SS18L1: variants seen among roughly 807,000 people sequenced by gnomAD.
SS18L1 encodes SS18L1 subunit of BAF chromatin remodeling complex.
SS18L1 carries 32 observed loss-of-function variants against 70.3 expected under a neutral mutation model. The observed-to-expected ratio is 0.46, with a 90% CI of 0.34 to 0.61. The LOEUF (loss-of-function observed/expected upper bound fraction) is 0.61. Ranked by LOEUF, SS18L1 falls within the 20% of genes least tolerant of loss-of-function variation. The pLI is 0.01. For missense variants in SS18L1, 430 were observed against 542.1 expected, an observed-to-expected ratio of 0.79 and a Z score of 2.05; for synonymous variants, 237 against 229.7, an observed-to-expected ratio of 1.03 and a Z score of -0.29.
chr20:62,165,390 C>A (rs1199528209), intron 7 of SS18L1, 32 bp from the exon 8 acceptor site: 6 of 1,594,780 alleles, frequency 3.8e-6, no homozygotes, highest in Non-Finnish European at 5.1e-6. Context: ...TGCACAGCCT[C>A]CGCTGACTGT....
chr20:62,155,542 A>G (rs1430365348), intron 1 of SS18L1, among the ~76,000 whole-genome samples: 5 of 152,030 alleles, frequency 3.3e-5, no homozygotes, highest in Non-Finnish European at 7.4e-5. Flanking sequence ...GCTTCTGCGG[A>G]TTGGAGGCCG....
Position 62,179,806 on chromosome 20 carries a change from G to A in SS18L1, c.*598G>A. On this transcript the variant is annotated 3_prime_UTR_variant, in exon 11 of 11. Coordinates refer to ENST00000331758, the MANE Select transcript of SS18L1 (RefSeq NM_198935.3). ...ATCTCCCACGGGAGAGGCCACAGAT[G>A]GCCACTTCCAGAGCTTGCCCATTGC... 1 of 229,860 alleles carries A rather than the reference G, an allele frequency of 4.4e-6. No homozygotes were observed. The allele number at this position is 229,860 out of a possible 1,614,324, so 14.2% of individuals were successfully genotyped here.
intron 1 of SS18L1, among the ~76,000 whole-genome samples, chr20:62,146,874 C>G (rs185074296): frequency 3.9e-5 from 6 of 152,236 alleles, no homozygotes; most frequent in East Asian, 1.9e-4. Context: ...CCCCTCCCCC[C>G]CTTAGCCTCC....
intron 8 of SS18L1, among the ~76,000 whole-genome samples, chr20:62,171,104 A>C (rs957986451): frequency 6.6e-6 from 1 of 152,050 alleles, no homozygotes; most frequent in South Asian, 2.1e-4. Context: ...GGGTTTCACC[A>C]TGTTAGCCAG....
chr20:62,163,421 T>C, intron 5 of SS18L1, 37 bp from the exon 6 acceptor site: 1 of 1,609,962 alleles, frequency 6.2e-7, no homozygotes, highest in Non-Finnish European at 8.5e-7. Flanking sequence ...GCGGGAGGCT[T>C]CCCGGGGTGA....
chr20:62,171,026 C>T (rs1351209557), intron 8 of SS18L1, among the ~76,000 whole-genome samples: 1 of 152,070 alleles, frequency 6.6e-6, no homozygotes, highest in African/African-American at 2.4e-5. Flanking sequence ...CTCAGCCTCC[C>T]GAGTAGCTGG....
In SS18L1 at chr20:62,165,639, G is replaced by A. The variant is rs1211043342; in HGVS notation, c.916+125G>A. 4.5e-5 allele frequency: 40 copies of A among 884,654 alleles called. No homozygotes were observed. In the Admixed American group the frequency reaches 5.3e-4, roughly 12 times the overall value. The allele number at this position is 884,654 out of a possible 1,614,324, so 54.8% of individuals were successfully genotyped here. A position where few individuals can be genotyped will look rare whatever the true frequency, so the allele number is the denominator to read the frequency against. On this transcript the variant is annotated intron_variant, in intron 8 of 10. Coordinates refer to ENST00000331758, the MANE Select transcript of SS18L1 (RefSeq NM_198935.3). ...AGTCCCTTAAATCACAGCACAGCGC[G>A]TGGGAGGAGAGACAGTGTGTTCTGG... is the stretch of plus-strand genomic sequence containing the variant.
Position 62,161,471 on chromosome 20 carries a change from C to A in SS18L1, c.267C>A (p.Ala89=). 6.2e-7 allele frequency: 1 copy of A among 1,612,918 alleles called. No homozygotes were observed. The change falls in exon 4 of 11, where the codon GCC becomes GCA. Residue 89 remains alanine, a synonymous_variant. Coordinates refer to ENST00000331758, the MANE Select transcript of SS18L1 (RefSeq NM_198935.3). The surrounding 1 kb of genome is among the most constrained non-coding windows in gnomAD (Gnocchi z 4.4). ...PTQNMNLGPG[A]LTQSGSSQGL... ...AGAACATGAACCTGGGCCCTGGAGCCCTGACTCAGAGCGGCTCCAGCCAGG... is the reference window on the plus strand; with the variant it reads ...AGAACATGAACCTGGGCCCTGGAGCACTGACTCAGAGCGGCTCCAGCCAGG...
chr20:62,162,755 C>T lies in SS18L1; in HGVS notation c.380C>T (p.Pro127Leu), dbSNP rs751601438. ...SLLQGQIGNG[P>L]SHVSMQQTAP... Reference sequence around the variant, plus strand: ...CACTCCCTGCTCCCCATGCCAGGGCCGAGCCACGTGTCCATGCAGCAGACG... The same window carrying T: ...CACTCCCTGCTCCCCATGCCAGGGCTGAGCCACGTGTCCATGCAGCAGACG... The change falls in exon 5 of 11, where the codon CCG (proline) becomes CTG (leucine). Residue 127 changes from proline (P) to leucine (L), a missense_variant. Transcript: ENST00000331758. 2.6e-5 allele frequency: 42 copies of T among 1,606,788 alleles called. No homozygotes were observed. In the East Asian group the frequency reaches 4.3e-4, roughly 16 times the overall value.
chr20:62,148,051 C>T (rs1020742080), intron 1 of SS18L1, among the ~76,000 whole-genome samples: 1 of 152,182 alleles, frequency 6.6e-6, no homozygotes, highest in Non-Finnish European at 1.5e-5. Context: ...TGCCGAGCCT[C>T]CCTTGCATGT....
chr20:62,170,828 C>T (rs1466999065), intron 8 of SS18L1, among the ~76,000 whole-genome samples: 3 of 152,130 alleles, frequency 2.0e-5, no homozygotes, highest in East Asian at 3.8e-4. Flanking sequence ...GGCACTCTCA[C>T]AGTTGTTGCA....
At chr20:62,150,633 A>AATTTTTTTTTTTTTTTTTTTTT (rs1199902967) in intron 1 of SS18L1, among the ~76,000 whole-genome samples, 1 of 58,030 alleles carries the variant, frequency 1.7e-5, no homozygotes, top group Non-Finnish European at 3.5e-5. Flanking sequence ...ATTGAGGTGG[A>AATTTTTTTTTTTTTTTTTTTTT]TTTTTTTTTT....
chr20:62,159,079 C>T lies in SS18L1; in HGVS notation c.146+331C>T, dbSNP rs1245206850. On this transcript the variant is annotated intron_variant, in intron 2 of 10. Transcript: ENST00000331758. The surrounding 1 kb of genome is among the most constrained non-coding windows in gnomAD (Gnocchi z 4.4). ...GTCCCGAGAGTCCCTGGCACAGCTG[C>T]GAAGCATTGCTGCCAGAACTGGGGT... 4.9e-6 allele frequency: 7 copies of T among 1,443,134 alleles called. No homozygotes were observed. The highest frequency in any genetic ancestry group is 3.4e-5 in the South Asian group (3 of 87,840). 89.4% of individuals were successfully genotyped at this position (1,443,134 alleles called of 1,614,324 possible).
intron 7 of SS18L1, 130 bp from the exon 8 acceptor site, chr20:62,165,292 C>CA: frequency 1.2e-6 from 1 of 839,392 alleles, no homozygotes; most frequent in Non-Finnish European, 1.9e-6. Flanking sequence ...TTTTGGGGAA[C>CA]ACGGGTCCTG....
At position 62,182,201 on chromosome 20, in the gene SS18L1, G is replaced by A. The variant is rs557338754; in HGVS notation, c.*2993G>A. 1.8e-5 allele frequency: 4 copies of A among 220,844 alleles called. No individual in the cohort carries two copies. Among genetic ancestry groups the A allele is most frequent in the Non-Finnish European group, 3.6e-5 (4 of 110,494 alleles). The allele number at this position is 220,844 out of a possible 1,614,324, so 13.7% of individuals were successfully genotyped here. A position where few individuals can be genotyped will look rare whatever the true frequency, so the allele number is the denominator to read the frequency against. ...CTTAATACGCTCATATGGTTGGAGT[G>A]TTAAGTGAACCTCTGATTTTGTCAG... On this transcript the variant is annotated 3_prime_UTR_variant, in exon 11 of 11. Transcript: ENST00000331758.
chr20:62,172,120 C>T (rs1443518563), intron 8 of SS18L1, among the ~76,000 whole-genome samples: 1 of 150,254 alleles, frequency 6.7e-6, no homozygotes, highest in Non-Finnish European at 1.5e-5. Context: ...GCTGAGATCT[C>T]GCCACTGCAC....
rs2057276761 is a variant in SS18L1 at position 62,159,006 on chromosome 20, C to A, written c.146+258C>A. On this transcript the variant is annotated intron_variant, in intron 2 of 10. Transcript: ENST00000331758. This position sits in a 1 kb window ranked among gnomAD's most constrained non-coding sequence, Gnocchi z 4.4. ...GATATGTCCCGAGAGTCCCCCAGCA[C>A]GGAGGCCAGATATGTCCCGAGAGTC... is the stretch of plus-strand genomic sequence containing the variant. The A allele has an allele frequency of 6.7e-7, 1 of 1,491,604 alleles. No homozygotes were observed. The highest frequency in any genetic ancestry group is 1.4e-5 in the African/African-American group (1 of 72,436). 92.4% of individuals were successfully genotyped at this position (1,491,604 alleles called of 1,614,324 possible). A position where few individuals can be genotyped will look rare whatever the true frequency, so the allele number is the denominator to read the frequency against.
In SS18L1 at chr20:62,165,306, G is replaced by A. The variant is rs6142964; in HGVS notation, c.824-116G>A. ...GTTTTGGGGAACACGGGTCCTGCCG[G>A]CTCTTGTTGCCTCCCTGGCCAGACA... On this transcript the variant is annotated intron_variant, in intron 7 of 10. Coordinates refer to ENST00000331758, the MANE Select transcript of SS18L1 (RefSeq NM_198935.3). 72,050 of 986,004 alleles carry A rather than the reference G, an allele frequency of 0.073. 3,510 individuals are homozygous for A. The highest frequency in any genetic ancestry group is 0.18 in the South Asian group (11,795 of 65,216). The allele number at this position is 986,004 out of a possible 1,614,324, so 61.1% of individuals were successfully genotyped here.
Position 62,181,333 on chromosome 20 carries a change from C to A in SS18L1, c.*2125C>A, listed in dbSNP as rs1017557051. The A allele has an allele frequency of 4.8e-6, 1 of 208,634 alleles. No homozygotes were observed. The highest frequency in any genetic ancestry group is 9.8e-6 in the Non-Finnish European group (1 of 102,220). The allele number at this position is 208,634 out of a possible 1,614,324, so 12.9% of individuals were successfully genotyped here. ...GGGAGTCATCTCCCTTGATTGTGTT[C>A]TTTTCCTGTCAATTTTCATAGACCT... On this transcript the variant is annotated 3_prime_UTR_variant, in exon 11 of 11. Coordinates refer to ENST00000331758, the MANE Select transcript of SS18L1 (RefSeq NM_198935.3).
Sources: gnomAD v4.1 joint callset for allele counts (sites outside exome capture counted in the v4.1 genomes callset) on GRCh38, gnomAD v4.1.1 for gene constraint, Gnocchi (gnomAD v3.1) non-coding constraint, MANE v1.5 for transcripts, NCBI Gene and HGNC (gene_info 2026-07-23, HGNC 2026-07-21) for gene names.